Variants in CYP4Z1 observed in about 807,000 individuals in gnomAD.
CYP4Z1 encodes cytochrome P450 family 4 subfamily Z member 1.
A neutral mutation model predicts 54.2 loss-of-function variants in CYP4Z1; 41 were observed. That is an observed-to-expected ratio of 0.76 (90% confidence interval 0.59 to 0.98). The LOEUF (loss-of-function observed/expected upper bound fraction) is 0.98, where lower values mean the gene tolerates loss of function less well. Ranked by LOEUF, CYP4Z1 falls within the 50% of genes least tolerant of loss-of-function variation. The probability of loss-of-function intolerance (pLI) is 0.00; values close to 1 mark genes in which losing one functional copy is unlikely to be tolerated. For synonymous variants in CYP4Z1, 163 were observed against 206.2 expected (o/e 0.79, Z 1.79); for missense variants, 513 against 599.0 (o/e 0.86, Z 1.50).
chr1:47,109,398 G>A (rs1644777687), intron 9 of CYP4Z1, among the ~76,000 whole-genome samples: 1 of 152,070 alleles, frequency 6.6e-6, no homozygotes, highest in African/African-American at 2.4e-5. Flanking sequence ...TAGAAATTGT[G>A]GTCTTAATAA....
At chr1:47,076,957 G>T (rs2148527267) in intron 2 of CYP4Z1, among the ~76,000 whole-genome samples, 1 of 150,492 alleles carries the variant, frequency 6.6e-6, no homozygotes, top group African/African-American at 2.4e-5. Context: ...ATTTTTGTAT[G>T]ATTTCAATCT....
At chr1:47,065,514 C>T (rs932743055), upstream of CYP4Z1, among the ~76,000 whole-genome samples, 1 of 151,854 alleles carries the variant, frequency 6.6e-6, no homozygotes, top group Non-Finnish European at 1.5e-5. Context: ...TATCAAAAAC[C>T]CTAAGATACA....
At chr1:47,104,568 G>A (rs1299739872) in intron 8 of CYP4Z1, among the ~76,000 whole-genome samples, 1 of 152,200 alleles carries the variant, frequency 6.6e-6, no homozygotes, top group Non-Finnish European at 1.5e-5. Context: ...TGGCGGTGAT[G>A]GGCTGAGCAG....
rs2148544926 is a variant in CYP4Z1 at position 47,118,233 on chromosome 1, G to A, written c.*299G>A. 3.9e-6 allele frequency: 1 copy of A among 254,798 alleles called. No individual in the cohort carries two copies. Among genetic ancestry groups the A allele is most frequent in the Admixed American group, 4.8e-5 (1 of 20,874 alleles). 15.8% of individuals were successfully genotyped at this position (254,798 alleles called of 1,614,324 possible). ...CATAGTTTGATCAAAACTCCACTCAGTATCTGCATTACTTTTATCTCTGCA... is the reference window on the plus strand; with the variant it reads ...CATAGTTTGATCAAAACTCCACTCAATATCTGCATTACTTTTATCTCTGCA... On this transcript the variant is annotated 3_prime_UTR_variant, in exon 12 of 12. Transcript: ENST00000334194.
chr1:47,105,342 G>T (rs1242818562), intron 8 of CYP4Z1, among the ~76,000 whole-genome samples: 3 of 152,106 alleles, frequency 2.0e-5, no homozygotes, highest in Admixed American at 2.0e-4. Context: ...GAGGACTCAG[G>T]GGTTTGTGGG....
At chr1:47,089,801 C>T (rs1335797105) in intron 6 of CYP4Z1, among the ~76,000 whole-genome samples, 13 of 152,048 alleles carry the variant, frequency 8.5e-5, no homozygotes, top group Middle Eastern at 3.4e-3. Context: ...TCCCACACAA[C>T]GCCCCTTTTC....
At chr1:47,100,085 A>G (rs954378437) in intron 8 of CYP4Z1, among the ~76,000 whole-genome samples, 10 of 152,116 alleles carry the variant, frequency 6.6e-5, no homozygotes, top group Non-Finnish European at 1.3e-4. Context: ...TTTAAATACT[A>G]GAGTCTAGTT....
At chr1:47,107,271 T>G (rs1644763460) in intron 9 of CYP4Z1, among the ~76,000 whole-genome samples, 1 of 152,046 alleles carries the variant, frequency 6.6e-6, no homozygotes, top group Admixed American at 6.6e-5. Context: ...AAGGTAAAAC[T>G]TCATCTCTGG....
At chr1:47,088,489 G>A (rs955162956) in intron 6 of CYP4Z1, among the ~76,000 whole-genome samples, 16 of 152,188 alleles carry the variant, frequency 1.1e-4, no homozygotes, top group Admixed American at 2.6e-4. Context: ...GCTTAGAGGC[G>A]TTTATAGTAT....
intron 8 of CYP4Z1, among the ~76,000 whole-genome samples, chr1:47,099,906 T>A (rs1489198865): frequency 2.6e-5 from 4 of 152,220 alleles, no homozygotes; most frequent in Non-Finnish European, 5.9e-5. Context: ...GCCATATAGT[T>A]GCAACCCTGG....
At chr1:47,077,317 C>T (rs1644532084) in intron 2 of CYP4Z1, among the ~76,000 whole-genome samples, 1 of 151,864 alleles carries the variant, frequency 6.6e-6, no homozygotes, top group Admixed American at 6.6e-5. Flanking sequence ...TGGATTGACC[C>T]CTTAACAATA....
chr1:47,088,198 T>G (rs1189794713), intron 6 of CYP4Z1, among the ~76,000 whole-genome samples: 5 of 152,208 alleles, frequency 3.3e-5, no homozygotes, highest in Admixed American at 6.5e-5. Flanking sequence ...ATCAGGATGA[T>G]GCTGGCCTCA....
chr1:47,092,602 G>A (rs1188733426), intron 6 of CYP4Z1, among the ~76,000 whole-genome samples: 4 of 152,024 alleles, frequency 2.6e-5, no homozygotes, highest in Non-Finnish European at 5.9e-5. Flanking sequence ...GTTGCAATTA[G>A]GGGTCTTTAC....
At chr1:47,106,087 G>A (rs1394642003) in intron 8 of CYP4Z1, 41 bp from the exon 9 acceptor site, 1 of 1,592,744 alleles carries the variant, frequency 6.3e-7, no homozygotes, top group Non-Finnish European at 8.5e-7. Context: ...ATGCCTAAGT[G>A]ACTACTCCTC....
At chr1:47,056,338 A>C in the CYP4Z1 span, among the ~76,000 whole-genome samples, 16 of 152,250 alleles carry the variant, frequency 1.1e-4, no homozygotes, top group African/African-American at 3.9e-4. Context: ...CTTTACTTCC[A>C]ACTATGTGGT....
intron 2 of CYP4Z1, among the ~76,000 whole-genome samples, chr1:47,079,298 G>A (rs1644547095): frequency 6.6e-6 from 1 of 152,054 alleles, no homozygotes; most frequent in East Asian, 1.9e-4. Flanking sequence ...CTTTTTCAGT[G>A]GTCTTTTTTC....
At chr1:47,065,647 C>G (rs1281472867), upstream of CYP4Z1, among the ~76,000 whole-genome samples, 2 of 151,806 alleles carry the variant, frequency 1.3e-5, no homozygotes, top group Non-Finnish European at 1.5e-5. Flanking sequence ...AATCAAAACT[C>G]AAACCCAGCA....
intron 8 of CYP4Z1, among the ~76,000 whole-genome samples, 179 bp from the exon 9 acceptor site, chr1:47,105,949 T>A (rs1391655224): frequency 6.6e-6 from 1 of 152,238 alleles, no homozygotes; most frequent in East Asian, 1.9e-4. Context: ...CAGTTACATG[T>A]GAAAAGTGGT....
At chr1:47,088,384 G>T (rs1644613422) in intron 6 of CYP4Z1, among the ~76,000 whole-genome samples, 1 of 152,148 alleles carries the variant, frequency 6.6e-6, no homozygotes, top group Non-Finnish European at 1.5e-5. Flanking sequence ...CCTGTTATTG[G>T]TCTATTCAGA....
Sources: allele counts gnomAD v4.1 joint callset (sites outside exome capture counted in the v4.1 genomes callset), GRCh38; gene constraint gnomAD v4.1.1; transcripts MANE v1.5; gene names NCBI Gene and HGNC (gene_info 2026-07-23, HGNC 2026-07-21).